The following SLC28A1 variants were observed in gnomAD, a reference collection of about 807,000 sequenced individuals.
SLC28A1 encodes the protein solute carrier family 28 member 1.
Under a neutral mutation model 74.8 loss-of-function variants are expected in SLC28A1, and 64 were observed. The observed-to-expected ratio is 0.86, with a 90% CI of 0.70 to 1.05. The LOEUF is 1.05. Ranked by LOEUF, SLC28A1 falls within the 50% of genes least tolerant of loss-of-function variation. SLC28A1 has a pLI of 0.00. For missense variants in SLC28A1, 828 were observed against 822.8 expected, an observed-to-expected ratio of 1.01 and a Z score of -0.08; for synonymous variants, 359 against 335.0, an observed-to-expected ratio of 1.07 and a Z score of -0.78.
In SLC28A1 at chr15:84,885,704, C is replaced by T. The variant is rs1242172539; in HGVS notation, c.-133+953C>T. Among the ~76,000 whole-genome samples the T allele has an allele frequency of 8.8e-5, 12 of 136,730 alleles. 1 individual carries two copies. 89.7% of individuals were successfully genotyped at this position (136,730 alleles called of 152,430 possible). On this transcript the variant is annotated intron_variant, in intron 1 of 18. Transcript: ENST00000394573. ...CGAGCTCGCACCACTGTACTCCAGC[C>T]TGGGCAACAAGAGTGAAACTCCGTC...
chr15:84,949,233 A>G (rs552953844), downstream of SLC28A1, among the ~76,000 whole-genome samples: 1 of 152,320 alleles, frequency 6.6e-6, no homozygotes, highest in Non-Finnish European at 1.5e-5. Context: ...CAGACAGTGC[A>G]TGAGTCAAGA....
intron 11 of SLC28A1, among the ~76,000 whole-genome samples, chr15:84,922,487 C>A (rs2141924001): frequency 6.6e-6 from 1 of 152,290 alleles, no homozygotes; most frequent in African/African-American, 2.4e-5. Context: ...TATCAGCATT[C>A]CCACAGCGCT....
chr15:84,916,034 C>T (rs1385336705), intron 9 of SLC28A1, among the ~76,000 whole-genome samples: 1 of 151,904 alleles, frequency 6.6e-6, no homozygotes, highest in African/African-American at 2.4e-5. Context: ...ATGATCTCGG[C>T]TCACTGCAAC....
intron 15 of SLC28A1, among the ~76,000 whole-genome samples, chr15:84,942,582 T>C (rs946371431): frequency 4.6e-5 from 7 of 152,186 alleles, no homozygotes; most frequent in Non-Finnish European, 8.8e-5. Context: ...CAACTACTAT[T>C]ATTCCCCTAT....
chr15:84,905,801 G>A (rs1967013403), intron 8 of SLC28A1, 149 bp downstream of exon 8: 1 of 694,904 alleles, frequency 1.4e-6, no homozygotes, highest in Non-Finnish European at 2.6e-6. Flanking sequence ...AGACCAGGTG[G>A]GCAGCTGGGG....
At chr15:84,956,468 C>CT in the SLC28A1 span, among the ~76,000 whole-genome samples, 22 of 67,106 alleles carry the variant, frequency 3.3e-4, no homozygotes, top group Middle Eastern at 6.4e-3. Context: ...TCTTTCTTTC[C>CT]TTCTTTCTTT....
intron 12 of SLC28A1, among the ~76,000 whole-genome samples, chr15:84,927,546 G>C (rs4248928): frequency 0.31 from 46,624 of 152,076 alleles, 9,329 homozygotes; most frequent in Middle Eastern, 0.52. Context: ...TCTCTGGAAG[G>C]GGGGGTCTTA....
the SLC28A1 span, among the ~76,000 whole-genome samples, chr15:84,973,703 C>T: frequency 5.9e-5 from 9 of 152,296 alleles, no homozygotes; most frequent in East Asian, 5.8e-4. Context: ...TGTAATTATA[C>T]GCTCGCGTAG....
chr15:84,944,081 T>C (rs535480792), intron 16 of SLC28A1, among the ~76,000 whole-genome samples: 3 of 152,266 alleles, frequency 2.0e-5, no homozygotes, highest in Non-Finnish European at 4.4e-5. Context: ...GGCCTGCCTG[T>C]TCCCACACCC....
intron 12 of SLC28A1, among the ~76,000 whole-genome samples, chr15:84,928,910 A>G (rs1185321418): frequency 6.6e-6 from 1 of 151,760 alleles, no homozygotes; most frequent in Non-Finnish European, 1.5e-5. Context: ...GGCATGAGCC[A>G]CTGCGCCCAG....
chr15:84,941,415 C>G (rs556266439), intron 15 of SLC28A1, among the ~76,000 whole-genome samples: 1 of 152,154 alleles, frequency 6.6e-6, no homozygotes, highest in East Asian at 1.9e-4. Flanking sequence ...CCATGTTAGC[C>G]AGGATGGTCT....
At chr15:84,925,923 C>T (rs1013470784) in intron 12 of SLC28A1, among the ~76,000 whole-genome samples, 2 of 151,834 alleles carry the variant, frequency 1.3e-5, no homozygotes, top group Admixed American at 6.6e-5. Context: ...CTTTACGTGC[C>T]CCCAAATGGC....
chr15:84,940,365 A>G (rs2142040441), intron 15 of SLC28A1: 1 of 152,944 alleles, frequency 6.5e-6, no homozygotes. Context: ...GTATGTAACT[A>G]TGCAAAAAAA....
chr15:84,890,422 C>T, intron 4 of SLC28A1, 21 bp from the exon 5 acceptor site: 1 of 1,581,476 alleles, frequency 6.3e-7, no homozygotes, highest in South Asian at 1.1e-5. Context: ...CACTCATGGA[C>T]CCTGCTGGTC....
intron 15 of SLC28A1, among the ~76,000 whole-genome samples, chr15:84,936,338 A>G (rs1971934667): frequency 6.6e-6 from 1 of 151,866 alleles, no homozygotes; most frequent in African/African-American, 2.4e-5. Flanking sequence ...GCTCACTGCA[A>G]CTTCCACCTC....
the SLC28A1 span, among the ~76,000 whole-genome samples, chr15:84,965,899 G>A: frequency 8.3e-5 from 12 of 145,188 alleles, no homozygotes; most frequent in African/African-American, 1.8e-4. Context: ...GGAGGGAGGC[G>A]GGGAGGGGGG....
At position 84,890,435 on chromosome 15, in the gene SLC28A1, G is replaced by T. The variant is rs367991245; in HGVS notation, c.186-8G>T. The T allele has an allele frequency of 3.1e-5, 50 of 1,603,202 alleles. No homozygotes were observed. Among genetic ancestry groups the T allele is most frequent in the Non-Finnish European group, 3.8e-5 (45 of 1,175,610 alleles). ...TGCACTCATGGACCCTGCTGGTCTT[G>T]TTCCCAGGAGGAACCTGCAGCCAGC... On this transcript the variant is annotated splice_region_variant and splice_polypyrimidine_tract_variant and intron_variant, in intron 4 of 18. Transcript: ENST00000394573.
chr15:84,954,025 A>C, the SLC28A1 span, among the ~76,000 whole-genome samples: 2,077 of 152,276 alleles, frequency 0.014, 55 homozygotes, highest in African/African-American at 0.047. Flanking sequence ...CCTTCTACTG[A>C]ATTGGATTTC....
chr15:84,959,592 G>A, the SLC28A1 span, among the ~76,000 whole-genome samples: 1 of 151,496 alleles, frequency 6.6e-6, no homozygotes, highest in South Asian at 2.1e-4. Flanking sequence ...CCTTAAGCTT[G>A]TCTTCCAACT....
Sources: allele counts gnomAD v4.1 joint callset (sites outside exome capture counted in the v4.1 genomes callset), GRCh38; gene constraint gnomAD v4.1.1; transcripts MANE v1.5; gene names NCBI Gene and HGNC (gene_info 2026-07-23, HGNC 2026-07-21).